CHST11: variants seen among roughly 807,000 people sequenced by gnomAD.
The protein encoded by CHST11 is carbohydrate sulfotransferase 11, also known as C4S-1.
Under a neutral mutation model 30.4 loss-of-function variants are expected in CHST11, and 9 were observed. That is an observed-to-expected ratio of 0.30 (90% CI 0.18 to 0.52). The LOEUF is 0.52. Ranked by LOEUF, CHST11 falls within the 20% of genes least tolerant of loss-of-function variation. The pLI is 0.97. For missense variants in CHST11, 348 were observed against 460.6 expected (o/e 0.76, Z 2.24); for synonymous variants, 152 against 187.8 (o/e 0.81, Z 1.56).
At chr12:104,616,527 G>T (rs1018665446) in intron 2 of CHST11, among the ~76,000 whole-genome samples, 1 of 151,268 alleles carries the variant, frequency 6.6e-6, no homozygotes, top group Admixed American at 6.6e-5. Flanking sequence ...GTGCAGTGGC[G>T]CAATCTTGGC....
intron 2 of CHST11, among the ~76,000 whole-genome samples, chr12:104,610,091 G>A (rs1275561693): frequency 8.9e-6 from 1 of 111,990 alleles, no homozygotes; most frequent in African/African-American, 3.6e-5. Context: ...GTGTGTGTGT[G>A]TGTGTCTGTG....
At chr12:104,464,975 T>G (rs1417153127) in intron 1 of CHST11, among the ~76,000 whole-genome samples, 1 of 152,238 alleles carries the variant, frequency 6.6e-6, no homozygotes, top group East Asian at 1.9e-4. Context: ...TTAGTGATTA[T>G]GCAATTTGTG....
At chr12:104,695,092 G>C (rs1176568737) in intron 2 of CHST11, among the ~76,000 whole-genome samples, 1 of 152,160 alleles carries the variant, frequency 6.6e-6, no homozygotes, top group Non-Finnish European at 1.5e-5. Flanking sequence ...TCAGATCCTG[G>C]CATCATCATT....
intron 1 of CHST11, among the ~76,000 whole-genome samples, chr12:104,576,116 G>A (rs747760897): frequency 1.3e-5 from 2 of 152,012 alleles, no homozygotes; most frequent in Admixed American, 6.5e-5. Context: ...TCACAGGCGT[G>A]ATGGTGGTTC....
chr12:104,460,461 C>T (rs540138113), intron 1 of CHST11, among the ~76,000 whole-genome samples: 2 of 151,958 alleles, frequency 1.3e-5, no homozygotes, highest in South Asian at 2.1e-4. Flanking sequence ...CTCAGGAGTT[C>T]GAGACCAGCC....
At chr12:104,703,431 C>T (rs11112174) in intron 2 of CHST11, among the ~76,000 whole-genome samples, 2,428 of 152,308 alleles carry the variant, frequency 0.016, 82 homozygotes, top group African/African-American at 0.055. Context: ...CCATGCCACA[C>T]GTTTAGCCCA....
chr12:104,483,571 GATTC>G (rs777941705), intron 1 of CHST11, among the ~76,000 whole-genome samples: 4 of 152,174 alleles, frequency 2.6e-5, no homozygotes, highest in Non-Finnish European at 4.4e-5. Flanking sequence ...CTCAGGATGT[GATTC>G]ATTCAGCCTG....
chr12:104,618,687 A>T (rs961558642), intron 2 of CHST11, among the ~76,000 whole-genome samples: 1 of 152,186 alleles, frequency 6.6e-6, no homozygotes, highest in South Asian at 2.1e-4. Flanking sequence ...ACTCCCTCAC[A>T]TTCAGACAGC....
chr12:104,580,812 G>A (rs982508114), intron 1 of CHST11, among the ~76,000 whole-genome samples: 2 of 152,112 alleles, frequency 1.3e-5, no homozygotes, highest in Admixed American at 1.3e-4. Context: ...GGCTGGTCTT[G>A]AACTCCTGGC....
intron 1 of CHST11, among the ~76,000 whole-genome samples, chr12:104,568,689 C>A (rs1371526103): frequency 2.0e-5 from 3 of 151,988 alleles, no homozygotes; most frequent in Non-Finnish European, 4.4e-5. Flanking sequence ...AACCTGCAGG[C>A]AGTATTATCT....
chr12:104,586,711 C>T lies in CHST11; in HGVS notation c.119-15195C>T, dbSNP rs550682049. ...ACTGCAAAATAAATGTATAAGCATT[C>T]CAGGGAAACTGCAGGGAGAGGGGAA... On this transcript the variant is annotated intron_variant, in intron 1 of 2. Transcript: ENST00000303694. Among the ~76,000 whole-genome samples the T allele has an allele frequency of 2.5e-4, 38 of 152,290 alleles. No homozygotes were observed. In the South Asian group the frequency reaches 3.9e-3, roughly 16 times the overall value.
intron 1 of CHST11, among the ~76,000 whole-genome samples, chr12:104,585,458 A>G (rs2038794682): frequency 1.3e-5 from 2 of 152,232 alleles, no homozygotes; most frequent in African/African-American, 4.8e-5. Flanking sequence ...GGAGTGGACA[A>G]TTAGAAATGG....
chr12:104,708,253 G>C (rs2040054049), intron 2 of CHST11, among the ~76,000 whole-genome samples: 2 of 152,202 alleles, frequency 1.3e-5, no homozygotes, highest in Admixed American at 1.3e-4. Flanking sequence ...GAGTGACCTT[G>C]GTCAGGTTAC....
At chr12:104,461,107 G>C (rs1207018535) in intron 1 of CHST11, among the ~76,000 whole-genome samples, 1 of 152,188 alleles carries the variant, frequency 6.6e-6, no homozygotes, top group African/African-American at 2.4e-5. Flanking sequence ...GCTCTGTCTG[G>C]TGGGGAAACT....
At chr12:104,463,551 A>C (rs1173958028) in intron 1 of CHST11, among the ~76,000 whole-genome samples, 1 of 152,184 alleles carries the variant, frequency 6.6e-6, no homozygotes, top group African/African-American at 2.4e-5. Flanking sequence ...GAGATGTAAC[A>C]CATACATACA....
intron 1 of CHST11, among the ~76,000 whole-genome samples, chr12:104,484,635 G>T (rs1185821455): frequency 6.6e-6 from 1 of 152,248 alleles, no homozygotes; most frequent in Non-Finnish European, 1.5e-5. Flanking sequence ...CAGGGACATT[G>T]TAAGTGGTCA....
In CHST11 at chr12:104,472,984, AG is replaced by A. The variant is rs556081512; in HGVS notation, c.118+15459del. ...GTGATGTCTGGGAATACGGGAGCCC[AG>A]GGGTGGAGAGGTGAACCTGGATGGC... On this transcript the variant is annotated intron_variant, in intron 1 of 2. Coordinates refer to ENST00000303694, the MANE Select transcript of CHST11 (RefSeq NM_018413.6). Among the ~76,000 whole-genome samples, 449 of 152,276 alleles carry A rather than the reference AG, an allele frequency of 2.9e-3. 5 individuals are homozygous for A. The highest frequency in any genetic ancestry group is 0.01 in the African/African-American group (428 of 41,564).
At chr12:104,654,582 TGGC>T (rs2039524913) in intron 2 of CHST11, among the ~76,000 whole-genome samples, 1 of 152,134 alleles carries the variant, frequency 6.6e-6, no homozygotes, top group Non-Finnish European at 1.5e-5. Context: ...GGAGTCCACC[TGGC>T]AGGGAAGCTT....
chr12:104,720,358 G>A (rs528105417), intron 2 of CHST11, among the ~76,000 whole-genome samples: 57 of 152,368 alleles, frequency 3.7e-4, no homozygotes, highest in Admixed American at 9.1e-4. Context: ...CCTCACGATC[G>A]TGAGAGGCAG....
Sources: allele counts gnomAD v4.1 joint callset (sites outside exome capture counted in the v4.1 genomes callset), GRCh38; gene constraint gnomAD v4.1.1; transcripts MANE v1.5; gene names NCBI Gene and HGNC (gene_info 2026-07-23, HGNC 2026-07-21).